PNLDC1: variants seen among roughly 807,000 people sequenced by gnomAD.
PNLDC1 encodes poly(A)-specific ribonuclease PNLDC1.
PNLDC1 carries 70 observed loss-of-function variants against 82.0 expected under a neutral mutation model. The ratio of observed to expected loss-of-function variants is 0.85; its 90% confidence interval spans 0.70 to 1.04. PNLDC1 has a LOEUF of 1.04. Among genes scored for constraint, PNLDC1 ranks in the 50% least tolerant of loss-of-function variants. PNLDC1 has a pLI of 0.00. For missense variants in PNLDC1, 631 were observed against 661.1 expected, an observed-to-expected ratio of 0.95 and a Z score of 0.50; for synonymous variants, 280 against 249.3, an observed-to-expected ratio of 1.12 and a Z score of -1.16.
chr6:159,805,665 T>C (rs1452012932), intron 6 of PNLDC1: 1 of 252,796 alleles, frequency 4.0e-6, no homozygotes, highest in Non-Finnish European at 8.0e-6. Context: ...CCCTGAAAGC[T>C]GAATAAAGAA....
chr6:159,819,082 C>G lies in PNLDC1; in HGVS notation c.1394C>G (p.Thr465Arg). ...TGCAAGTTTGATGTCAGGCGACTCA[C>G]AAGAAGCCAGTTCTTACTCCTGACC... is the stretch of plus-strand genomic sequence containing the variant. ...NLCKFDVRRL[T>R]RSQFLLLTNK... Residue 465 changes from threonine (T) to arginine (R), a missense_variant, in exon 17 of 19, where the codon ACA (threonine) becomes AGA (arginine). By Grantham distance (71) the Thr-to-Arg change is moderately conservative. Transcript: ENST00000392167. This position sits in a 1 kb window ranked among gnomAD's most constrained non-coding sequence, Gnocchi z 4.6. 1 of 1,614,050 alleles carries G rather than the reference C, an allele frequency of 6.2e-7. No individual in the cohort carries two copies. The highest frequency in any genetic ancestry group is 8.5e-7 in the Non-Finnish European group (1 of 1,180,012).
In PNLDC1 at chr6:159,808,786, C is replaced by T. The variant is rs149144052; in HGVS notation, c.609C>T (p.Pro203=). 8 of 1,613,996 alleles carry T rather than the reference C, an allele frequency of 5.0e-6. No homozygotes were observed. The African/African-American group carries it at 8.0e-5, about 16-fold the overall frequency. ...EVQLVLRQAL[P]NIWTVLKDEG... ...AACTGGTGCTGAGGCAGGCCCTCCC[C>T]AACATCTGGACGGTGCTGAAAGATG... Residue 203 remains proline, a synonymous_variant, in exon 8 of 19, where the codon CCC becomes CCT. Coordinates refer to ENST00000392167, the MANE Select transcript of PNLDC1 (RefSeq NM_001271862.2).
In PNLDC1 at chr6:159,815,361, G is replaced by A. The variant is rs545387466; in HGVS notation, c.996-608G>A. ...CTTTTTTCTGATCAGTCTTTCTGTG[G>A]TTTCTGAAGCCCCTGCCTGTTGTAG... On this transcript the variant is annotated intron_variant, in intron 12 of 18. Transcript: ENST00000392167. 2.0e-5 allele frequency among the ~76,000 whole-genome samples: 3 copies of A among 152,336 alleles called. No homozygotes were observed. The East Asian group carries it at 5.8e-4, about 29-fold the overall frequency.
At chr6:159,811,337 T>TC (rs1209158186) in intron 10 of PNLDC1, among the ~76,000 whole-genome samples, 2 of 152,224 alleles carry the variant, frequency 1.3e-5, no homozygotes, top group Non-Finnish European at 2.9e-5. Flanking sequence ...TGATTTTTTT[T>TC]CTTGGATTTT....
At chr6:159,816,518 G>T (rs376410730) in intron 13 of PNLDC1, 25 bp from the exon 14 acceptor site, 157 of 1,612,160 alleles carry the variant, frequency 9.7e-5, no homozygotes, top group Non-Finnish European at 1.2e-4. Context: ...TCAATTCTCT[G>T]TCCTCCTGGT....
At position 159,819,560 on chromosome 6, in the gene PNLDC1, T is replaced by G. The variant is rs1424575080; in HGVS notation, c.1532+208T>G. Among the ~76,000 whole-genome samples, 1 of 152,230 alleles carries G rather than the reference T, an allele frequency of 6.6e-6. No individual in the cohort carries two copies. Among genetic ancestry groups the G allele is most frequent in the Non-Finnish European group, 1.5e-5 (1 of 68,040 alleles). On this transcript the variant is annotated intron_variant, in intron 18 of 18. Transcript: ENST00000392167. The surrounding 1 kb of genome is among the most constrained non-coding windows in gnomAD (Gnocchi z 4.6). ...GCTGTGCTGGGCACCATCGTAGTTC[T>G]AGGGCCTCGTCAGTGAAGCAGAAAA...
rs552346809 is a variant in PNLDC1, at chr6:159,801,974, A to G, written c.208+788A>G. 1.0e-3 allele frequency among the ~76,000 whole-genome samples: 159 copies of G among 151,896 alleles called. 1 individual carries two copies. The highest frequency in any genetic ancestry group is 1.4e-3 in the Non-Finnish European group (97 of 67,968). On this transcript the variant is annotated intron_variant, in intron 3 of 18. Coordinates refer to ENST00000392167, the MANE Select transcript of PNLDC1 (RefSeq NM_001271862.2). ...GCGATGTGGGCTCACCGCAACCTCCACCACCCAGGTTCGGGTGATTCTCCT... is the reference window on the plus strand; with the variant it reads ...GCGATGTGGGCTCACCGCAACCTCCGCCACCCAGGTTCGGGTGATTCTCCT...
At chr6:159,818,835 T>A in intron 16 of PNLDC1, 111 bp from the exon 17 acceptor site, 1 of 1,334,118 alleles carries the variant, frequency 7.5e-7, no homozygotes. Flanking sequence ...TTCCTTCTCT[T>A]CCCCTCCCTG....
rs1781840806 is a variant in PNLDC1 at position 159,816,609 on chromosome 6, G to T, written c.1114+13G>T. 2.5e-6 allele frequency: 4 copies of T among 1,609,254 alleles called. No homozygotes were observed. The highest frequency in any genetic ancestry group is 1.3e-5 in the African/African-American group (1 of 74,078). ...CTCTGTGGGTCAGGTAAGGATTGCG[G>T]TTCCTTTAAAAGGAAACTCACTTTT... On this transcript the variant is annotated intron_variant, in intron 14 of 18. Transcript: ENST00000392167.
chr6:159,818,737 G>A (rs75016582), intron 16 of PNLDC1, 83 bp downstream of exon 16: 22 of 1,386,898 alleles, frequency 1.6e-5, no homozygotes, highest in Admixed American at 3.5e-5. Context: ...TCTGGGACTC[G>A]TGAGAGGGAT....
rs368316605 is a variant in PNLDC1 at position 159,809,280 on chromosome 6, AT to A, written c.783+128del. ...TGAGATAAGTGATTCCTTCTCATGAATTTTTTCATGTTTTACTTTCAGATAG... is the reference window on the plus strand; with the variant it reads ...TGAGATAAGTGATTCCTTCTCATGAATTTTTCATGTTTTACTTTCAGATAG... On this transcript the variant is annotated intron_variant, in intron 9 of 18. Coordinates refer to ENST00000392167, the MANE Select transcript of PNLDC1 (RefSeq NM_001271862.2). 146 of 1,313,774 alleles carry A rather than the reference AT, an allele frequency of 1.1e-4. 2 individuals carry two copies. In the East Asian group the frequency reaches 2.7e-3, roughly 24 times the overall value. 81.4% of individuals were successfully genotyped at this position (1,313,774 alleles called of 1,614,324 possible).
chr6:159,815,412 T>G (rs930982610), intron 12 of PNLDC1, among the ~76,000 whole-genome samples: 4 of 152,148 alleles, frequency 2.6e-5, no homozygotes, highest in Non-Finnish European at 5.9e-5. Context: ...CTCTTGGCCC[T>G]CCCTTCACAC....
intron 12 of PNLDC1, 130 bp downstream of exon 12, chr6:159,813,786 A>G (rs867938277): frequency 5.2e-6 from 4 of 763,350 alleles, no homozygotes; most frequent in African/African-American, 3.5e-5. Flanking sequence ...GGTCTCCTCC[A>G]GCTCCTCCTG....
chr6:159,809,225 A>G, intron 9 of PNLDC1, 67 bp downstream of exon 9: 5 of 1,552,596 alleles, frequency 3.2e-6, no homozygotes, highest in Non-Finnish European at 4.4e-6. Flanking sequence ...TAGATACTAA[A>G]GGCTCCTTCA....
chr6:159,799,947 G>C (rs903359319), upstream of PNLDC1, among the ~76,000 whole-genome samples: 1 of 152,268 alleles, frequency 6.6e-6, no homozygotes, highest in Middle Eastern at 3.4e-3. Flanking sequence ...TTCCTGCTCC[G>C]CTTTTCTGAT....
intron 13 of PNLDC1, 107 bp from the exon 14 acceptor site, chr6:159,816,436 A>G: frequency 1.0e-6 from 1 of 991,946 alleles, no homozygotes; most frequent in Non-Finnish European, 1.6e-6. Flanking sequence ...GGTATGCAGG[A>G]CCATGGGAGG....
At position 159,819,080 on chromosome 6, in the gene PNLDC1, C is replaced by CA. The variant is rs1486825055; in HGVS notation, c.1393dup (p.Thr465AsnfsTer11). 6.2e-7 allele frequency: 1 copy of CA among 1,614,026 alleles called. No individual in the cohort carries two copies. Among genetic ancestry groups the CA allele is most frequent in the Non-Finnish European group, 8.5e-7 (1 of 1,180,012 alleles). ...TCTGCAAGTTTGATGTCAGGCGACTCACAAGAAGCCAGTTCTTACTCCTGA... is the reference window on the plus strand; with the variant it reads ...TCTGCAAGTTTGATGTCAGGCGACTCAACAAGAAGCCAGTTCTTACTCCTGA... On this transcript the variant is annotated frameshift_variant, in exon 17 of 19. Transcript: ENST00000392167. LOFTEE classifies it high-confidence loss of function. The surrounding 1 kb of genome is among the most constrained non-coding windows in gnomAD (Gnocchi z 4.6).
intron 12 of PNLDC1, among the ~76,000 whole-genome samples, chr6:159,814,193 T>C (rs1781740364): frequency 6.6e-6 from 1 of 152,114 alleles, no homozygotes; most frequent in South Asian, 2.1e-4. Context: ...CACTCTGCTC[T>C]CCGCAGGGGC....
chr6:159,802,421 A>G (rs1421919323), intron 3 of PNLDC1, among the ~76,000 whole-genome samples: 1 of 151,986 alleles, frequency 6.6e-6, no homozygotes, highest in East Asian at 1.9e-4. Flanking sequence ...TGCTTTTACT[A>G]TGAATGATGC....
Sources: gnomAD v4.1 joint callset for allele counts (sites outside exome capture counted in the v4.1 genomes callset) on GRCh38, gnomAD v4.1.1 for gene constraint, Gnocchi (gnomAD v3.1) non-coding constraint, MANE v1.5 for transcripts, NCBI Gene and HGNC (gene_info 2026-07-23, HGNC 2026-07-21) for gene names.